Variants in TLN1 observed in about 807,000 individuals in gnomAD.
TLN1 encodes the protein talin-1.
In TLN1, 56 loss-of-function variants were observed where a neutral mutation model predicts 292.3. The ratio of observed to expected loss-of-function variants is 0.19; its 90% CI spans 0.15 to 0.24. The LOEUF is 0.24. Among genes scored for constraint, TLN1 ranks in the 10% least tolerant of loss-of-function variants. The pLI, the probability that TLN1 is intolerant of heterozygous loss-of-function variation, is 1.00. For synonymous variants in TLN1, 1,119 were observed against 1,253.7 expected, an observed-to-expected ratio of 0.89 and a Z score of 2.27; for missense variants, 2,433 against 3,248.2, an observed-to-expected ratio of 0.75 and a Z score of 6.10.
rs764754484 is a variant in TLN1, at chr9:35,724,982, CA to C, written c.229-24del. ...GTCCTGTTAGGGCAGGAAGAAGAGA[CA>C]GGGGCCTACTCTGAGCTAGGGGTAT... On this transcript the variant is annotated intron_variant, in intron 3 of 56. Transcript: ENST00000314888. This position sits in a 1 kb window ranked among gnomAD's most constrained non-coding sequence, Gnocchi z 4.7. 7 of 1,613,762 alleles carry C rather than the reference CA, an allele frequency of 4.3e-6. No homozygotes were observed. In the African/African-American group the frequency reaches 6.7e-5, roughly 15 times the overall value.
rs995372143 is a variant in TLN1, at chr9:35,706,681, A to G, written c.5088+87T>C. The G allele has an allele frequency of 1.9e-6, 3 of 1,587,224 alleles. No individual in the cohort carries two copies. The highest frequency in any genetic ancestry group is 2.6e-6 in the Non-Finnish European group (3 of 1,166,246). ...CACATCCCAGCCTTTGATGTCCCTA[A>G]GAAGCCACTCCTTGATCCCCCAGCT... On this transcript the variant is annotated intron_variant, in intron 38 of 56. Transcript: ENST00000314888. This position sits in a 1 kb window ranked among gnomAD's most constrained non-coding sequence, Gnocchi z 4.2.
In TLN1 at chr9:35,699,095, A is replaced by G. The variant is rs370191540; in HGVS notation, c.6936T>C (p.Ala2312=). The G allele has an allele frequency of 1.9e-6, 3 of 1,613,842 alleles. No homozygotes were observed. Among genetic ancestry groups the G allele is most frequent in the African/African-American group, 1.3e-5 (1 of 74,888 alleles). Residue 2312 remains alanine, a synonymous_variant, in exon 52 of 57, where the codon GCT becomes GCC. Transcript: ENST00000314888. This position sits in a 1 kb window ranked among gnomAD's most constrained non-coding sequence, Gnocchi z 4.0. Reference sequence around the variant, plus strand: ...TGGCTGCAGCCTCAATGGCGGCTGCAGCTCCCAGGAGCTCATTCTCAGCAA... The same window carrying G: ...TGGCTGCAGCCTCAATGGCGGCTGCGGCTCCCAGGAGCTCATTCTCAGCAA... ...TVIAENELLG[A]AAAIEAAAKK...
Position 35,704,257 on chromosome 9 carries a change from A to G in TLN1, c.6047+75T>C. 6.3e-7 allele frequency: 1 copy of G among 1,576,778 alleles called. No homozygotes were observed. On this transcript the variant is annotated intron_variant, in intron 45 of 56. Transcript: ENST00000314888. The surrounding 1 kb of genome is among the most constrained non-coding windows in gnomAD (Gnocchi z 6.9). ...GCCTGGTCCAGGTCTTCCCCATTCC[A>G]GCGAATGCTATCCTGCCTCTTCCAG...
rs140653758 is a variant in TLN1 at position 35,719,233 on chromosome 9, T to G, written c.1737A>C (p.Thr579=). Residue 579 remains threonine (T), a synonymous_variant, in exon 16 of 57, where the codon ACA becomes ACC. Transcript: ENST00000314888. This position sits in a 1 kb window ranked among gnomAD's most constrained non-coding sequence, Gnocchi z 4.6. ...ACATCTCCGTCAGGTTGGAGGAGAT[T>G]GTGGTGACTGCACAGCCCACTGCGG... ...DYTAVGCAVT[T]ISSNLTEMSR... 2,486 of 1,614,200 alleles carry G rather than the reference T, an allele frequency of 1.5e-3. 4 individuals are homozygous for G. Among genetic ancestry groups the G allele is most frequent in the Non-Finnish European group, 2.0e-3 (2,354 of 1,180,012 alleles).
chr9:35,718,744 A>G, intron 17 of TLN1, 68 bp downstream of exon 17: 1 of 1,384,754 alleles, frequency 7.2e-7, no homozygotes, highest in Non-Finnish European at 1.0e-6. Context: ...CAGGACTAGG[A>G]ACTGGATTCA....
chr9:35,699,197 G>C lies in TLN1; in HGVS notation c.6875-41C>G, dbSNP rs763015066. The C allele has an allele frequency of 6.3e-7, 1 of 1,585,822 alleles. No homozygotes were observed. Among genetic ancestry groups the C allele is most frequent in the East Asian group, 2.3e-5 (1 of 44,372 alleles). On this transcript the variant is annotated intron_variant, in intron 51 of 56. Coordinates refer to ENST00000314888, the MANE Select transcript of TLN1 (RefSeq NM_006289.4). The surrounding 1 kb of genome is among the most constrained non-coding windows in gnomAD (Gnocchi z 4.0). Reference sequence around the variant, plus strand: ...AAGAGGAAAGAGGCTAAGGCAGAGTGGGGAGGTCAAAAGCACCAGGGAGCA... The same window carrying C: ...AAGAGGAAAGAGGCTAAGGCAGAGTCGGGAGGTCAAAAGCACCAGGGAGCA...
intron 33 of TLN1, among the ~76,000 whole-genome samples, 170 bp downstream of exon 33, chr9:35,710,391 T>C (rs1288876695): frequency 6.6e-6 from 1 of 152,170 alleles, no homozygotes; most frequent in African/African-American, 2.4e-5. Flanking sequence ...ACTGCTGGTG[T>C]TCAGTAATTG....
Position 35,710,894 on chromosome 9 carries a change from G to C in TLN1, c.4114-8C>G, listed in dbSNP as rs1825656558. 3 of 1,614,174 alleles carry C rather than the reference G, an allele frequency of 1.9e-6. No individual in the cohort carries two copies. Among genetic ancestry groups the C allele is most frequent in the Non-Finnish European group, 2.5e-6 (3 of 1,180,026 alleles). ...CAGGAGTTCCCGGACCGTCTGTGTA[G>C]GGGGAGGGCAAAGTGAGATCCAAGA... On this transcript the variant is annotated splice_region_variant and splice_polypyrimidine_tract_variant and intron_variant, in intron 31 of 56. Transcript: ENST00000314888.
Position 35,706,955 on chromosome 9 carries a change from C to T in TLN1, c.4956-55G>A. The T allele has an allele frequency of 6.2e-7, 1 of 1,609,630 alleles. No individual in the cohort carries two copies. Among genetic ancestry groups the T allele is most frequent in the Non-Finnish European group, 8.5e-7 (1 of 1,178,010 alleles). ...AGAACATCCCCTACTGCAAGGCCAG[C>T]CTATCCTTCCCCTGTATCCTCCCAA... On this transcript the variant is annotated intron_variant, in intron 37 of 56. Coordinates refer to ENST00000314888, the MANE Select transcript of TLN1 (RefSeq NM_006289.4). This position sits in a 1 kb window ranked among gnomAD's most constrained non-coding sequence, Gnocchi z 4.2.
chr9:35,704,802 A>G lies in TLN1; in HGVS notation c.5747T>C (p.Ile1916Thr). The change falls in exon 44 of 57, where the codon ATC becomes ACC. Residue 1916 changes from isoleucine (I) to threonine (T), a missense_variant. Coordinates refer to ENST00000314888, the MANE Select transcript of TLN1 (RefSeq NM_006289.4). This position sits in a 1 kb window ranked among gnomAD's most constrained non-coding sequence, Gnocchi z 6.9. Reference protein sequence around the residue: ...AAENEEIGSHIKHRVQELGHG... With the variant: ...AAENEEIGSHTKHRVQELGHG... The stretch of plus-strand genomic sequence containing the variant: ...GCCCAGCTCCTGTACCCGGTGTTTG[A>G]TATGGGAACCTATCTGTGAGCCAAG... The G allele has an allele frequency of 6.2e-7, 1 of 1,613,906 alleles. No homozygotes were observed.
intron 33 of TLN1, among the ~76,000 whole-genome samples, chr9:35,709,886 CAAAAAAAAAAAAAAAAAAA>C (rs546437173): frequency 7.8e-5 from 1 of 12,848 alleles, no homozygotes; most frequent in African/African-American, 3.1e-4. Context: ...AACTCGGTCT[CAAAAAAAAAAAAAAAAAAA>C]AAAAAAAAAG....
rs1825571898 is a variant in TLN1 at position 35,706,740 on chromosome 9, T to C, written c.5088+28A>G. On this transcript the variant is annotated intron_variant, in intron 38 of 56. Transcript: ENST00000314888. This position sits in a 1 kb window ranked among gnomAD's most constrained non-coding sequence, Gnocchi z 4.2. ...TCTGATATTTCTCTTCCTAGACACA[T>C]CTTTCCATATAACCCTCTCCCTCTC... 3.1e-6 allele frequency: 5 copies of C among 1,609,348 alleles called. No homozygotes were observed. Among genetic ancestry groups the C allele is most frequent in the Non-Finnish European group, 4.2e-6 (5 of 1,177,934 alleles).
intron 48 of TLN1, among the ~76,000 whole-genome samples, chr9:35,700,787 G>A (rs902348724): frequency 3.3e-5 from 5 of 152,178 alleles, no homozygotes; most frequent in Non-Finnish European, 5.9e-5. Context: ...ATATCACACC[G>A]AGGAACTTGG....
Position 35,710,614 on chromosome 9 carries a change from C to T in TLN1, c.4273G>A (p.Ala1425Thr). 1 of 1,614,176 alleles carries T rather than the reference C, an allele frequency of 6.2e-7. No homozygotes were observed. Among genetic ancestry groups the T allele is most frequent in the South Asian group, 1.1e-5 (1 of 91,084 alleles). ...AGTGCCTTTGAGGCTGTGGAAATGG[C>T]ATCTCCAAACTCTGGCAGGTTTCCG... ...KNGNLPEFGD[A>T]ISTASKALCG... Residue 1425 changes from alanine to threonine, a missense_variant, in exon 33 of 57, where the codon GCC becomes ACC. Coordinates refer to ENST00000314888, the MANE Select transcript of TLN1 (RefSeq NM_006289.4).
chr9:35,720,618 C>T (rs1825863984), intron 11 of TLN1, 109 bp from the exon 12 acceptor site: 6 of 1,148,174 alleles, frequency 5.2e-6, no homozygotes, highest in Non-Finnish European at 7.6e-6. Context: ...GCTGAGTGTC[C>T]ATTTCTTTTT....
intron 27 of TLN1, 61 bp downstream of exon 27, chr9:35,712,774 T>C: frequency 6.9e-7 from 1 of 1,448,348 alleles, no homozygotes; most frequent in East Asian, 2.5e-5. Context: ...TTGGCCTCAA[T>C]CAGGGTGGGC....
rs759219436 is a variant in TLN1, at chr9:35,714,840, T to C, written c.2791A>G (p.Thr931Ala). ...AKQAAASATQTIAAAQHAAST... is the reference protein window; with the variant it reads ...AKQAAASATQAIAAAQHAAST... ...GCTGCGTGCTGAGCTGCAGCGATGG[T>C]CTGTGTGGCTGAGGCTGCAGCCTGC... Residue 931 changes from threonine (T) to alanine (A), a missense_variant, in exon 22 of 57, where the codon ACC becomes GCC. This residue lies in a region of TLN1 where 617 missense variants were observed against 770.6 expected (regional missense o/e 0.80). Transcript: ENST00000314888. The surrounding 1 kb of genome is among the most constrained non-coding windows in gnomAD (Gnocchi z 4.6). The C allele has an allele frequency of 2.7e-5, 42 of 1,571,680 alleles. No individual in the cohort carries two copies. In the Middle Eastern group the frequency reaches 8.5e-4, roughly 32 times the overall value.
In TLN1 at chr9:35,712,122, C is replaced by T. The variant is rs138156383; in HGVS notation, c.3564G>A (p.Val1188=). ...DPESQQRLAQ[V]AKAVTQALNR... ...TCAGAGCCTGGGTCACTGCTTTAGC[C>T]ACCTGGGGTGAGAAAGGAGACAGGG... is the stretch of plus-strand genomic sequence containing the variant. The change falls in exon 28 of 57, where the codon GTG becomes GTA. Residue 1188 remains valine (V), a splice_region_variant and synonymous_variant. Transcript: ENST00000314888. 2.8e-5 allele frequency: 45 copies of T among 1,612,132 alleles called. 1 individual carries two copies. In the African/African-American group the frequency reaches 4.3e-4, roughly 15 times the overall value.
In TLN1 at chr9:35,708,335, A is replaced by G. The variant is rs1179030585; in HGVS notation, c.4470+6T>C. 3.1e-6 allele frequency: 5 copies of G among 1,596,656 alleles called. No individual in the cohort carries two copies. Among genetic ancestry groups the G allele is most frequent in the Non-Finnish European group, 4.3e-6 (5 of 1,170,314 alleles). ...CTCGCCTGTGGTCCCTGTTCCCTTG[A>G]GTTACCTGGGCCTGGGTACAGCCAG... On this transcript the variant is annotated splice_donor_region_variant and intron_variant, in intron 34 of 56. Coordinates refer to ENST00000314888, the MANE Select transcript of TLN1 (RefSeq NM_006289.4).
Sources: allele counts gnomAD v4.1 joint callset (sites outside exome capture counted in the v4.1 genomes callset), GRCh38; gene constraint gnomAD v4.1.1; regional missense constraint gnomAD v4.1.1; non-coding constraint Gnocchi (gnomAD v3.1); transcripts MANE v1.5; gene names NCBI Gene and HGNC (gene_info 2026-07-23, HGNC 2026-07-21).